TNS3: variants seen among roughly 807,000 people sequenced by gnomAD.
TNS3 encodes tensin-3.
TNS3 carries 45 observed loss-of-function variants against 140.9 expected under a neutral mutation model. That is an observed-to-expected ratio of 0.32 (90% CI 0.25 to 0.41). The LOEUF (loss-of-function observed/expected upper bound fraction) is 0.41. Among genes scored for constraint, TNS3 ranks in the 10% least tolerant of loss-of-function variants. The probability of loss-of-function intolerance (pLI) is 1.00; values close to 1 mark genes in which losing one functional copy is unlikely to be tolerated. For missense variants in TNS3, 1,716 were observed against 1,906.7 expected, an observed-to-expected ratio of 0.90 and a Z score of 1.86; for synonymous variants, 815 against 788.4, an observed-to-expected ratio of 1.03 and a Z score of -0.56.
chr7:47,328,394 A>G (rs1788147687), intron 20 of TNS3, among the ~76,000 whole-genome samples: 1 of 151,286 alleles, frequency 6.6e-6, no homozygotes, highest in Non-Finnish European at 1.5e-5. Context: ...ATTTCTTGCA[A>G]CCTCCCTGCT....
At chr7:47,515,294 A>C (rs1001180689) in intron 2 of TNS3, among the ~76,000 whole-genome samples, 2 of 152,212 alleles carry the variant, frequency 1.3e-5, no homozygotes, top group Admixed American at 6.5e-5. Context: ...CCTGCATCAC[A>C]GAATATGCCC....
intron 13 of TNS3, among the ~76,000 whole-genome samples, chr7:47,402,245 A>G (rs1406656357): frequency 6.6e-6 from 1 of 152,192 alleles, no homozygotes; most frequent in Non-Finnish European, 1.5e-5. Flanking sequence ...CCAAAAAAAT[A>G]TAATTAAGAC....
In TNS3 at chr7:47,487,228, G is replaced by A. The variant is rs185967099; in HGVS notation, c.-114-6087C>T. ...ACAGGAGAATTGCTTGAACCTGGGA[G>A]GTTGCAGTGAGCTGGGATCGTGCCA... On this transcript the variant is annotated intron_variant, in intron 3 of 30. Coordinates refer to ENST00000311160, the MANE Select transcript of TNS3 (RefSeq NM_022748.12). 1.8e-3 allele frequency among the ~76,000 whole-genome samples: 277 copies of A among 152,226 alleles called. 3 individuals are homozygous for A. The highest frequency in any genetic ancestry group is 6.4e-3 in the African/African-American group (267 of 41,534).
intron 16 of TNS3, among the ~76,000 whole-genome samples, chr7:47,382,194 T>C (rs1380486042): frequency 6.6e-6 from 1 of 152,216 alleles, no homozygotes; most frequent in African/African-American, 2.4e-5. Context: ...AAAAGGAGTG[T>C]TTCCTTTCAT....
At chr7:47,535,372 G>A (rs11972477) in intron 1 of TNS3, among the ~76,000 whole-genome samples, 6,133 of 152,330 alleles carry the variant, frequency 0.04, 421 homozygotes, top group African/African-American at 0.14. Context: ...GCACTGTTGC[G>A]AGGGCTCAGC....
intron 1 of TNS3, among the ~76,000 whole-genome samples, chr7:47,559,261 A>G (rs932708730): frequency 3.9e-5 from 6 of 152,180 alleles, no homozygotes; most frequent in Non-Finnish European, 7.4e-5. Flanking sequence ...GAGGCAGAAG[A>G]ACTGCTTGAA....
intron 20 of TNS3, among the ~76,000 whole-genome samples, chr7:47,329,666 C>T (rs773263445): frequency 1.3e-5 from 2 of 152,180 alleles, no homozygotes; most frequent in Admixed American, 6.5e-5. Flanking sequence ...TGCCTGACCA[C>T]GGACAGAGCA....
At chr7:47,565,198 C>G (rs1216797592) in intron 1 of TNS3, among the ~76,000 whole-genome samples, 2 of 151,188 alleles carry the variant, frequency 1.3e-5, no homozygotes, top group Non-Finnish European at 2.9e-5. Flanking sequence ...CTGCCTCAGC[C>G]TCCTGAGTAG....
chr7:47,412,275 G>A (rs1449977889), intron 12 of TNS3, among the ~76,000 whole-genome samples: 2 of 152,164 alleles, frequency 1.3e-5, no homozygotes, highest in Non-Finnish European at 2.9e-5. Flanking sequence ...AAAAGACAAA[G>A]AAAACTCAGG....
At chr7:47,418,553 C>A (rs919203169) in intron 10 of TNS3, among the ~76,000 whole-genome samples, 1 of 152,174 alleles carries the variant, frequency 6.6e-6, no homozygotes, top group Non-Finnish European at 1.5e-5. Context: ...GATTAGAAAC[C>A]AGATACTTTA....
chr7:47,358,799 C>G (rs1790153899), intron 17 of TNS3, among the ~76,000 whole-genome samples: 1 of 152,204 alleles, frequency 6.6e-6, no homozygotes. Context: ...TCCACCCTGA[C>G]AGAGGGAGAG....
At chr7:47,557,931 G>A (rs1301644019) in intron 1 of TNS3, among the ~76,000 whole-genome samples, 1 of 152,230 alleles carries the variant, frequency 6.6e-6, no homozygotes, top group African/African-American at 2.4e-5. Flanking sequence ...CTCTTTTCCA[G>A]AGGGCTGCGT....
chr7:47,561,021 C>G (rs931286134), intron 1 of TNS3, among the ~76,000 whole-genome samples: 2 of 152,176 alleles, frequency 1.3e-5, no homozygotes, highest in African/African-American at 4.8e-5. Context: ...ACTGTAACAC[C>G]AGAAGTAAAC....
At chr7:47,447,445 C>T (rs1005442303) in intron 4 of TNS3, among the ~76,000 whole-genome samples, 5 of 152,130 alleles carry the variant, frequency 3.3e-5, no homozygotes, top group Admixed American at 2.0e-4. Flanking sequence ...CCACATCAGG[C>T]AGTCTGGGTC....
intron 7 of TNS3, among the ~76,000 whole-genome samples, chr7:47,435,782 A>C: frequency 6.6e-6 from 1 of 152,186 alleles, no homozygotes; most frequent in Non-Finnish European, 1.5e-5. Flanking sequence ...TTAAAATCCC[A>C]GTTTGGAGAG....
intron 3 of TNS3, among the ~76,000 whole-genome samples, chr7:47,505,070 T>C (rs114542540): frequency 0.01 from 1,523 of 152,288 alleles, 27 homozygotes; most frequent in African/African-American, 0.035. Flanking sequence ...TCTCTGCGGC[T>C]GTGGCTCAGA....
At position 47,291,828 on chromosome 7, in the gene TNS3, G is replaced by C. The variant is rs865818910; in HGVS notation, c.3928+127C>G. 7.6e-6 allele frequency: 8 copies of C among 1,050,278 alleles called. No individual in the cohort carries two copies. The East Asian group carries it at 1.8e-4, about 24-fold the overall frequency. The allele number at this position is 1,050,278 out of a possible 1,614,324, so 65.1% of individuals were successfully genotyped here. A position where few individuals can be genotyped will look rare whatever the true frequency, so the allele number is the denominator to read the frequency against. On this transcript the variant is annotated intron_variant, in intron 27 of 30. Coordinates refer to ENST00000311160, the MANE Select transcript of TNS3 (RefSeq NM_022748.12). ...CAGCTCTGTGCAAGCTTCTATAAAA[G>C]GAAACCTCCTTCAAGGCTCACAGAA...
At chr7:47,378,518 T>C (rs1791542996) in intron 16 of TNS3, among the ~76,000 whole-genome samples, 1 of 152,224 alleles carries the variant, frequency 6.6e-6, no homozygotes, top group Non-Finnish European at 1.5e-5. Context: ...TCTTACCAGC[T>C]GTAAAACAGT....
intron 3 of TNS3, among the ~76,000 whole-genome samples, chr7:47,494,331 C>G (rs1485627242): frequency 6.6e-6 from 1 of 152,158 alleles, no homozygotes; most frequent in Non-Finnish European, 1.5e-5. Context: ...CAGTGCTAAG[C>G]TTTCTAACCA....
Sources: allele counts gnomAD v4.1 joint callset (sites outside exome capture counted in the v4.1 genomes callset), GRCh38; gene constraint gnomAD v4.1.1; transcripts MANE v1.5; gene names NCBI Gene and HGNC (gene_info 2026-07-23, HGNC 2026-07-21).